CLASP2: variants seen among roughly 807,000 people sequenced by gnomAD.
The protein encoded by CLASP2 is CLIP-associating protein 2.
A neutral mutation model predicts 194.4 loss-of-function variants in CLASP2; 47 were observed. The observed-to-expected ratio is 0.24, with a 90% CI of 0.19 to 0.31. CLASP2 has a LOEUF of 0.31. CLASP2 is among the 10% of genes least tolerant of loss of function. The pLI is 1.00. For synonymous variants in CLASP2, 619 were observed against 633.5 expected, an observed-to-expected ratio of 0.98 and a Z score of 0.34; for missense variants, 1,445 against 1,823.6, an observed-to-expected ratio of 0.79 and a Z score of 3.78.
chr3:33,550,346 T>C (rs1436007203), intron 30 of CLASP2, among the ~76,000 whole-genome samples: 5 of 134,006 alleles, frequency 3.7e-5, no homozygotes, highest in East Asian at 2.1e-4. Flanking sequence ...AGTGAGCCAG[T>C]ATCATGCCAC....
Position 33,717,800 on chromosome 3 carries a change from T to TCGC in CLASP2, c.195+5_195+7dup. 6.4e-7 allele frequency: 1 copy of TCGC among 1,552,514 alleles called. No individual in the cohort carries two copies. Among genetic ancestry groups the TCGC allele is most frequent in the South Asian group, 1.2e-5 (1 of 84,210 alleles). On this transcript the variant is annotated splice_region_variant and intron_variant, in intron 1 of 38. Transcript: ENST00000682230. ...CGTGACCAGCCCAGCCTCGCCGCCG[T>TCGC]CGCTTACCCGGTAGTTGCTCGAACC...
At position 33,619,628 on chromosome 3, in the gene CLASP2, C is replaced by A; in HGVS notation, c.1292G>T (p.Cys431Phe). 6.4e-7 allele frequency: 1 copy of A among 1,551,122 alleles called. No homozygotes were observed. The highest frequency in any genetic ancestry group is 8.7e-7 in the Non-Finnish European group (1 of 1,146,876). The part of the protein sequence containing the change: ...NSAKVMATSG[C>F]AAIRFIIRHT... Reference sequence around the variant, plus strand: ...CCGAATGATAAATCTGATTGCTGCACATCCAGAAGTTGCCATGACTTTTGC... The same window carrying A: ...CCGAATGATAAATCTGATTGCTGCAAATCCAGAAGTTGCCATGACTTTTGC... The change falls in exon 12 of 39, where the codon TGT becomes TTT. Residue 431 changes from cysteine to phenylalanine, a missense_variant. Physicochemically the swap from Cys to Phe is radical, Grantham distance 205 (BLOSUM62 -2). Transcript: ENST00000682230.
intron 31 of CLASP2, 93 bp downstream of exon 31, chr3:33,544,605 T>TTAAGGATCAAGTTTAC: frequency 8.5e-7 from 1 of 1,180,688 alleles, no homozygotes; most frequent in Non-Finnish European, 1.2e-6. Context: ...AAATTATATA[T>TTAAGGATCAAGTTTAC]TAAGGATCAA....
rs150038734 is a variant in CLASP2, at chr3:33,579,655, C to G, written c.2347+2166G>C. Reference sequence around the variant, plus strand: ...CCATGATGACCATGATAACTGAGTGCTCATTATGTGTCAAGCACTGCCTTG... The same window carrying G: ...CCATGATGACCATGATAACTGAGTGGTCATTATGTGTCAAGCACTGCCTTG... On this transcript the variant is annotated intron_variant, in intron 23 of 38. Coordinates refer to ENST00000682230, the MANE Select transcript of CLASP2 (RefSeq NM_001365631.1). Among the ~76,000 whole-genome samples, 269 of 152,240 alleles carry G rather than the reference C, an allele frequency of 1.8e-3. 1 individual carries two copies. The highest frequency in any genetic ancestry group is 6.0e-3 in the African/African-American group (248 of 41,544).
At chr3:33,582,298 C>A (rs1297994841) in intron 22 of CLASP2, among the ~76,000 whole-genome samples, 13 of 151,994 alleles carry the variant, frequency 8.6e-5, no homozygotes, top group Admixed American at 8.5e-4. Context: ...AGAGAAAAAC[C>A]CTATACTTAT....
intron 7 of CLASP2, among the ~76,000 whole-genome samples, chr3:33,656,050 T>C (rs959065968): frequency 1.3e-5 from 2 of 152,164 alleles, no homozygotes; most frequent in Admixed American, 6.5e-5. Context: ...TCTGGTTTGA[T>C]TGCCCAGAGC....
intron 1 of CLASP2, among the ~76,000 whole-genome samples, chr3:33,704,102 G>A (rs113664091): frequency 6.6e-6 from 1 of 152,160 alleles, no homozygotes; most frequent in Non-Finnish European, 1.5e-5. Flanking sequence ...AAGTTTTAGG[G>A]AGAGCACAGA....
intron 28 of CLASP2, among the ~76,000 whole-genome samples, chr3:33,560,146 T>C (rs1216065992): frequency 6.6e-6 from 1 of 152,156 alleles, no homozygotes. Context: ...AATATTTAAA[T>C]GCATAATAAA....
chr3:33,539,074 T>C (rs750919703), intron 32 of CLASP2, 132 bp from the exon 33 acceptor site: 16 of 621,020 alleles, frequency 2.6e-5, no homozygotes, highest in Non-Finnish European at 3.5e-5. Flanking sequence ...ATTAGCAAAA[T>C]AAAAAATAGC....
At chr3:33,645,013 T>C (rs755541867) in intron 7 of CLASP2, 110 bp from the exon 8 acceptor site, 79 of 1,152,734 alleles carry the variant, frequency 6.9e-5, no homozygotes, top group Non-Finnish European at 9.5e-5. Context: ...TTTGGTAAGA[T>C]ATATAATACG....
chr3:33,563,445 C>T (rs982884338), intron 27 of CLASP2, among the ~76,000 whole-genome samples: 1 of 152,204 alleles, frequency 6.6e-6, no homozygotes, highest in African/African-American at 2.4e-5. Context: ...TCACTAAAGG[C>T]ACCAAGCATT....
At chr3:33,706,086 C>A (rs1322970288) in intron 1 of CLASP2, among the ~76,000 whole-genome samples, 1 of 152,040 alleles carries the variant, frequency 6.6e-6, no homozygotes, top group Non-Finnish European at 1.5e-5. Flanking sequence ...GACCCCATCT[C>A]TACAAGAAAT....
intron 29 of CLASP2, 53 bp from the exon 30 acceptor site, chr3:33,551,448 C>A: frequency 1.3e-6 from 2 of 1,521,478 alleles, no homozygotes; most frequent in Non-Finnish European, 1.8e-6. Flanking sequence ...TTGTGAGACA[C>A]TAGAGAACAT....
intron 29 of CLASP2, among the ~76,000 whole-genome samples, chr3:33,555,145 A>T (rs2060699705): frequency 6.6e-6 from 1 of 152,210 alleles, no homozygotes; most frequent in Non-Finnish European, 1.5e-5. Context: ...TGATTTAGCC[A>T]TTCCACAATG....
chr3:33,709,632 G>A (rs540490050), intron 1 of CLASP2, among the ~76,000 whole-genome samples: 12 of 151,852 alleles, frequency 7.9e-5, no homozygotes, highest in African/African-American at 2.9e-4. Context: ...CCTAGAAGCT[G>A]GAAAATTCTC....
At chr3:33,616,572 T>C (rs2154271539) in intron 12 of CLASP2, among the ~76,000 whole-genome samples, 1 of 152,148 alleles carries the variant, frequency 6.6e-6, no homozygotes. Flanking sequence ...TCAACATCTA[T>C]TCCTGATCAA....
intron 2 of CLASP2, 149 bp downstream of exon 2, chr3:33,696,706 T>A (rs1575657270): frequency 1.6e-6 from 1 of 617,326 alleles, no homozygotes; most frequent in South Asian, 1.8e-5. Flanking sequence ...CCTTTGGTGA[T>A]CTGCCTGCCT....
intron 24 of CLASP2, among the ~76,000 whole-genome samples, chr3:33,574,760 C>T (rs888041004): frequency 6.6e-6 from 1 of 152,090 alleles, no homozygotes; most frequent in Admixed American, 6.6e-5. Context: ...CTATTTGGAT[C>T]CTTTTGTCAT....
chr3:33,644,177 T>C (rs573978288), intron 8 of CLASP2, among the ~76,000 whole-genome samples: 5 of 152,254 alleles, frequency 3.3e-5, no homozygotes, highest in African/African-American at 1.2e-4. Flanking sequence ...ATATGATCAA[T>C]GAATATGCTA....
Sources: gnomAD v4.1 joint callset for allele counts (sites outside exome capture counted in the v4.1 genomes callset) on GRCh38, gnomAD v4.1.1 for gene constraint, MANE v1.5 for transcripts, NCBI Gene and HGNC (gene_info 2026-07-23, HGNC 2026-07-21) for gene names.